Variants in CSPP1 observed in about 807,000 individuals in gnomAD.
CSPP1 encodes the protein centrosome and spindle pole associated protein 1.
A neutral mutation model predicts 164.4 loss-of-function variants in CSPP1; 126 were observed. That is an observed-to-expected ratio of 0.77 (90% confidence interval 0.66 to 0.89). The LOEUF is 0.89. Ranked by LOEUF, CSPP1 falls within the 40% of genes least tolerant of loss-of-function variation. The pLI is 0.00. For synonymous variants in CSPP1, 472 were observed against 476.7 expected, an observed-to-expected ratio of 0.99 and a Z score of 0.13; for missense variants, 1,395 against 1,449.8, an observed-to-expected ratio of 0.96 and a Z score of 0.61.
At chr8:67,077,634 C>T (rs530312539) in intron 3 of CSPP1, among the ~76,000 whole-genome samples, 2 of 152,276 alleles carry the variant, frequency 1.3e-5, no homozygotes, top group Non-Finnish European at 1.5e-5. Context: ...CCACTGTGCC[C>T]GACCTGTATG....
intron 16 of CSPP1, among the ~76,000 whole-genome samples, chr8:67,136,067 A>G (rs1352032991): frequency 2.0e-5 from 3 of 152,186 alleles, no homozygotes; most frequent in Non-Finnish European, 4.4e-5. Flanking sequence ...TGTGTGATTC[A>G]TGGCGCCCCA....
intron 16 of CSPP1, among the ~76,000 whole-genome samples, chr8:67,137,016 A>G (rs1822450334): frequency 6.6e-6 from 1 of 151,926 alleles, no homozygotes; most frequent in Admixed American, 6.6e-5. Context: ...GTCTTGCATA[A>G]TGTTGCCCAA....
chr8:67,151,825 C>T (rs1307095407), intron 18 of CSPP1, among the ~76,000 whole-genome samples: 1 of 152,102 alleles, frequency 6.6e-6, no homozygotes, highest in South Asian at 2.1e-4. Context: ...TGCAGTGGCT[C>T]ACGCCTGTAA....
chr8:67,105,891 CT>C lies in CSPP1; in HGVS notation c.1023-7del. 15 of 1,463,356 alleles carry C rather than the reference CT, an allele frequency of 1.0e-5. No homozygotes were observed. Among genetic ancestry groups the C allele is most frequent in the South Asian group, 1.2e-5 (1 of 86,704 alleles). The allele number at this position is 1,463,356 out of a possible 1,614,324, so 90.6% of individuals were successfully genotyped here. A position where few individuals can be genotyped will look rare whatever the true frequency, so the allele number is the denominator to read the frequency against. ...ATTTTAATTTACTCTTTTTCTCTGT[CT>C]TTTTTTCTTTAGTGCTCCAGACAAT... On this transcript the variant is annotated splice_polypyrimidine_tract_variant and intron_variant, in intron 8 of 30. Transcript: ENST00000678616.
chr8:67,102,556 C>T (rs1323524022), intron 7 of CSPP1, among the ~76,000 whole-genome samples: 3 of 152,100 alleles, frequency 2.0e-5, no homozygotes, highest in East Asian at 3.9e-4. Flanking sequence ...TGCCACTGCA[C>T]TCCAGCCTGG....
chr8:67,107,738 C>T (rs1042487488), intron 9 of CSPP1, among the ~76,000 whole-genome samples: 1 of 152,082 alleles, frequency 6.6e-6, no homozygotes, highest in Non-Finnish European at 1.5e-5. Context: ...AAGGATGTCA[C>T]TTGGGACCTT....
intron 15 of CSPP1, among the ~76,000 whole-genome samples, chr8:67,131,307 A>T (rs901493116): frequency 2.0e-5 from 3 of 152,144 alleles, no homozygotes; most frequent in Admixed American, 1.3e-4. Context: ...GGATCGCTTG[A>T]TTCCAGGAGA....
chr8:67,184,372 T>G (rs1269309746), intron 28 of CSPP1, among the ~76,000 whole-genome samples: 2 of 152,190 alleles, frequency 1.3e-5, no homozygotes, highest in African/African-American at 2.4e-5. Context: ...AACCAAGAGT[T>G]ATTTCTGAGA....
At chr8:67,085,878 A>G (rs1810291302) in intron 3 of CSPP1, 129 bp from the exon 4 acceptor site, 3 of 603,414 alleles carry the variant, frequency 5.0e-6, no homozygotes, top group South Asian at 4.1e-5. Context: ...TTTTAAGTAA[A>G]AAACTTACCC....
chr8:67,186,987 ATC>A (rs1563788008), intron 28 of CSPP1, among the ~76,000 whole-genome samples: 1 of 148,048 alleles, frequency 6.8e-6, no homozygotes, highest in East Asian at 1.9e-4. Flanking sequence ...CTATCTATCT[ATC>A]TATCTATCTA....
rs1485359566 is a variant in CSPP1 at position 67,142,148 on chromosome 8, A to T, written c.1975+4545A>T. On this transcript the variant is annotated intron_variant, in intron 17 of 30. Coordinates refer to ENST00000678616, the MANE Select transcript of CSPP1 (RefSeq NM_001382391.1). ...TTCTCATTTTAATTATTTGTACAGT[A>T]TTTTATTCTGTTGTCTTTCTCAGTT... 8.5e-5 allele frequency among the ~76,000 whole-genome samples: 13 copies of T among 152,264 alleles called. No homozygotes were observed. The East Asian group carries it at 2.5e-3, about 29-fold the overall frequency.
intron 9 of CSPP1, among the ~76,000 whole-genome samples, chr8:67,106,510 C>A (rs1815563485): frequency 1.3e-5 from 2 of 151,998 alleles, no homozygotes; most frequent in Admixed American, 6.5e-5. Flanking sequence ...CAAATTAAAC[C>A]TTTCTTTCCT....
intron 20 of CSPP1, 133 bp downstream of exon 20, chr8:67,158,729 C>T: frequency 1.7e-6 from 2 of 1,163,900 alleles, no homozygotes; most frequent in Non-Finnish European, 2.3e-6. Context: ...AATATACATT[C>T]TTTGGATATT....
Position 67,149,907 on chromosome 8 carries a change from C to A in CSPP1, c.2100C>A (p.Asn700Lys). 1 of 1,573,024 alleles carries A rather than the reference C, an allele frequency of 6.4e-7. No homozygotes were observed. The highest frequency in any genetic ancestry group is 2.3e-5 in the East Asian group (1 of 43,750). Residue 700 changes from asparagine (N) to lysine (K), a missense_variant, in exon 18 of 31, where the codon AAC (asparagine) becomes AAA (lysine). By Grantham distance (94) the Asn-to-Lys change is moderately conservative. Coordinates refer to ENST00000678616, the MANE Select transcript of CSPP1 (RefSeq NM_001382391.1). ...DPNLATSNAE[N>K]LEDAANKSSG... ...ATTTAGCCACTTCAAATGCTGAGAA[C>A]CTAGAAGATGCTGCAAATAAAAGCT...
Position 67,115,942 on chromosome 8 carries a change from C to G in CSPP1, c.1316C>G (p.Ala439Gly). ...EPDRLKQFSVAPRHFEEMIPP... is the reference protein window; with the variant it reads ...EPDRLKQFSVGPRHFEEMIPP... The stretch of plus-strand genomic sequence containing the variant: ...GATAGACTAAAGCAGTTTAGTGTGG[C>G]ACCAAGACACTTTGAAGAGATGATA... Residue 439 changes from alanine to glycine, a missense_variant, in exon 13 of 31, where the codon GCA becomes GGA. Coordinates refer to ENST00000678616, the MANE Select transcript of CSPP1 (RefSeq NM_001382391.1). The G allele has an allele frequency of 6.2e-7, 1 of 1,613,814 alleles. No individual in the cohort carries two copies. Among genetic ancestry groups the G allele is most frequent in the Non-Finnish European group, 8.5e-7 (1 of 1,179,840 alleles).
At chr8:67,069,308 T>C (rs1224287435) in intron 1 of CSPP1, 1 of 152,184 alleles carries the variant, frequency 6.6e-6, no homozygotes, top group Non-Finnish European at 1.5e-5. Context: ...TAGAAATGAT[T>C]AGAAATGTAC....
chr8:67,164,704 G>A lies in CSPP1; in HGVS notation c.2828+196G>A, dbSNP rs1034303461. Among the ~76,000 whole-genome samples the A allele has an allele frequency of 1.2e-4, 18 of 152,156 alleles. No individual in the cohort carries two copies. Among genetic ancestry groups the A allele is most frequent in the Admixed American group, 3.3e-4 (5 of 15,272 alleles). ...GATTCATGTAGGAATGGAAATTTCCGGGTTGGAATAATTACAGACAGTAGT... is the reference window on the plus strand; with the variant it reads ...GATTCATGTAGGAATGGAAATTTCCAGGTTGGAATAATTACAGACAGTAGT... On this transcript the variant is annotated intron_variant, in intron 24 of 30. Transcript: ENST00000678616.
intron 3 of CSPP1, among the ~76,000 whole-genome samples, chr8:67,079,894 C>T (rs945211809): frequency 4.6e-5 from 7 of 152,174 alleles, no homozygotes; most frequent in East Asian, 3.8e-4. Context: ...TTTAAACCAA[C>T]GGGTTAATGT....
intron 19 of CSPP1, among the ~76,000 whole-genome samples, chr8:67,154,922 AT>A (rs1448112533): frequency 1.3e-5 from 2 of 152,218 alleles, no homozygotes; most frequent in Non-Finnish European, 2.9e-5. Flanking sequence ...AAATCAATAG[AT>A]TTTTTCCAAA....
Sources: gnomAD v4.1 joint callset for allele counts (sites outside exome capture counted in the v4.1 genomes callset) on GRCh38, gnomAD v4.1.1 for gene constraint, MANE v1.5 for transcripts, NCBI Gene and HGNC (gene_info 2026-07-23, HGNC 2026-07-21) for gene names.